Variants in STXBP5L observed in about 807,000 individuals in gnomAD.
STXBP5L encodes syntaxin binding protein 5L.
Under a neutral mutation model 144.5 loss-of-function variants are expected in STXBP5L, and 65 were observed. The ratio of observed to expected loss-of-function variants is 0.45; its 90% CI spans 0.37 to 0.55. STXBP5L has a LOEUF of 0.55. STXBP5L is among the 20% of genes least tolerant of loss of function. STXBP5L has a pLI of 0.00. For missense variants in STXBP5L, 1,298 were observed against 1,405.5 expected (o/e 0.92, Z 1.22); for synonymous variants, 505 against 469.6 (o/e 1.08, Z -0.97).
chr3:121,064,164 G>A (rs190007424), intron 5 of STXBP5L, among the ~76,000 whole-genome samples: 38 of 152,298 alleles, frequency 2.5e-4, no homozygotes, highest in Admixed American at 1.6e-3. Context: ...TGAAGACTGT[G>A]GAAAGTGTAG....
At chr3:121,393,279 T>C (rs1365512674) in intron 22 of STXBP5L, among the ~76,000 whole-genome samples, 1 of 152,120 alleles carries the variant, frequency 6.6e-6, no homozygotes, top group Non-Finnish European at 1.5e-5. Context: ...ATGGGGTTAT[T>C]TGTGTTTTCC....
chr3:120,993,164 A>T (rs1046409209), intron 3 of STXBP5L, among the ~76,000 whole-genome samples: 3 of 151,516 alleles, frequency 2.0e-5, no homozygotes, highest in African/African-American at 7.3e-5. Flanking sequence ...TGTTTGTTTG[A>T]TTTTGCTGTT....
intron 7 of STXBP5L, among the ~76,000 whole-genome samples, chr3:121,133,676 A>G (rs2045106463): frequency 2.0e-5 from 3 of 152,242 alleles, no homozygotes; most frequent in South Asian, 4.1e-4. Context: ...TAGCTGTTGT[A>G]TTAGTCCATT....
intron 3 of STXBP5L, among the ~76,000 whole-genome samples, chr3:121,027,197 T>C (rs1946013237): frequency 6.6e-6 from 1 of 151,766 alleles, no homozygotes; most frequent in Non-Finnish European, 1.5e-5. Context: ...AAAATATGTC[T>C]CATTCCATTT....
chr3:121,031,808 G>A (rs1432525303), intron 3 of STXBP5L, among the ~76,000 whole-genome samples: 1 of 152,026 alleles, frequency 6.6e-6, no homozygotes, highest in African/African-American at 2.4e-5. Context: ...ATTAAGAATG[G>A]GCAAAAATAG....
intron 3 of STXBP5L, among the ~76,000 whole-genome samples, chr3:120,960,214 A>C (rs1299471122): frequency 6.6e-6 from 1 of 152,238 alleles, no homozygotes; most frequent in Non-Finnish European, 1.5e-5. Flanking sequence ...ATGAGATACC[A>C]TCTCATGCCA....
chr3:121,012,237 C>G (rs866142308), intron 3 of STXBP5L, among the ~76,000 whole-genome samples: 1 of 151,740 alleles, frequency 6.6e-6, no homozygotes, highest in Non-Finnish European at 1.5e-5. Flanking sequence ...GATTGCCTTT[C>G]TACTTCTTGG....
intron 20 of STXBP5L, among the ~76,000 whole-genome samples, chr3:121,365,279 A>T (rs2045830566): frequency 6.6e-6 from 1 of 151,868 alleles, no homozygotes; most frequent in African/African-American, 2.4e-5. Flanking sequence ...GGCCTTATAG[A>T]TTGAGTTAGA....
At chr3:120,962,619 C>G (rs1425938959) in intron 3 of STXBP5L, among the ~76,000 whole-genome samples, 1 of 152,108 alleles carries the variant, frequency 6.6e-6, no homozygotes, top group Non-Finnish European at 1.5e-5. Context: ...GGGCTCTGTT[C>G]TGTTCCATTG....
rs760972032 is a variant in STXBP5L, at chr3:121,233,633, G to T, written c.1129G>T (p.Ala377Ser). 1 of 1,612,212 alleles carries T rather than the reference G, an allele frequency of 6.2e-7. No individual in the cohort carries two copies. The highest frequency in any genetic ancestry group is 2.2e-5 in the East Asian group (1 of 44,724). Residue 377 changes from alanine to serine, a missense_variant, in exon 12 of 27, where the codon GCT becomes TCT. By Grantham distance (99) the Ala-to-Ser change is moderately conservative. Transcript: ENST00000471454. Reference sequence around the variant, plus strand: ...ACTTGTAGAATTTCAAGAACCCTATGCTGTCGTGGTACTTCTGGAGAAAGA... The same window carrying T: ...ACTTGTAGAATTTCAAGAACCCTATTCTGTCGTGGTACTTCTGGAGAAAGA... ...PYPNEFQEPY[A>S]VVVLLEKDLI...
At chr3:121,280,417 C>T (rs2108440597) in intron 19 of STXBP5L, among the ~76,000 whole-genome samples, 1 of 151,896 alleles carries the variant, frequency 6.6e-6, no homozygotes, top group South Asian at 2.1e-4. Context: ...TGACTCCTTT[C>T]CTTGTTGGAT....
At chr3:121,296,827 A>G (rs779066427) in intron 19 of STXBP5L, among the ~76,000 whole-genome samples, 3 of 152,182 alleles carry the variant, frequency 2.0e-5, no homozygotes, top group Non-Finnish European at 4.4e-5. Flanking sequence ...CAAGTTGGCA[A>G]TTGTCTGCCA....
At chr3:121,058,404 T>A (rs925980894) in intron 5 of STXBP5L, among the ~76,000 whole-genome samples, 1 of 152,228 alleles carries the variant, frequency 6.6e-6, no homozygotes, top group African/African-American at 2.4e-5. Context: ...GTTGCAAGTC[T>A]TTGCTACTGT....
chr3:121,244,805 C>A lies in STXBP5L; in HGVS notation c.1400+4298C>A, dbSNP rs539867902. 1.1e-3 allele frequency among the ~76,000 whole-genome samples: 165 copies of A among 151,892 alleles called. 1 individual carries two copies. Among genetic ancestry groups the A allele is most frequent in the Non-Finnish European group, 1.3e-3 (88 of 67,910 alleles). ...ACTCAAAGTGCTGAAAGAAAAAAAA[C>A]CCCACCAACTTAGAATGCTATATTT... On this transcript the variant is annotated intron_variant, in intron 14 of 26. Transcript: ENST00000471454.
intron 20 of STXBP5L, among the ~76,000 whole-genome samples, chr3:121,360,275 T>C (rs1186451284): frequency 6.6e-6 from 1 of 151,682 alleles, no homozygotes; most frequent in Non-Finnish European, 1.5e-5. Context: ...GCTTTTATTT[T>C]TAGTCAACAT....
In STXBP5L at chr3:121,348,622, C is replaced by T. The variant is rs142800971; in HGVS notation, c.2176+30082C>T. ...TTGGTTGGTAAGCTATTAATTATTA[C>T]CTCAATTTCAAAGCCTGTTATTGGT... On this transcript the variant is annotated intron_variant, in intron 20 of 26. Transcript: ENST00000471454. Among the ~76,000 whole-genome samples, 352 of 152,146 alleles carry T rather than the reference C, an allele frequency of 2.3e-3. 9 individuals are homozygous for T. In the East Asian group the frequency reaches 0.053, roughly 23 times the overall value.
At chr3:121,328,104 T>C (rs1299106393) in intron 20 of STXBP5L, among the ~76,000 whole-genome samples, 1 of 152,222 alleles carries the variant, frequency 6.6e-6, no homozygotes, top group Non-Finnish European at 1.5e-5. Flanking sequence ...ATTGAAGGCT[T>C]TATCAAGTGT....
intron 24 of STXBP5L, among the ~76,000 whole-genome samples, chr3:121,414,532 A>C (rs2047189578): frequency 6.6e-6 from 1 of 152,164 alleles, no homozygotes; most frequent in African/African-American, 2.4e-5. Flanking sequence ...AATCAAAAGA[A>C]GTTAGAGAAG....
intron 9 of STXBP5L, among the ~76,000 whole-genome samples, chr3:121,201,880 C>T (rs1036085963): frequency 5.9e-5 from 9 of 152,056 alleles, no homozygotes; most frequent in South Asian, 2.1e-4. Flanking sequence ...CTCAGCCTCC[C>T]GAGTAGATGG....
Sources: allele counts gnomAD v4.1 joint callset (sites outside exome capture counted in the v4.1 genomes callset), GRCh38; gene constraint gnomAD v4.1.1; transcripts MANE v1.5; gene names NCBI Gene and HGNC (gene_info 2026-07-23, HGNC 2026-07-21).